The following PLCE1 variants were observed in gnomAD, a reference collection of about 807,000 sequenced individuals.
PLCE1 encodes phospholipase C epsilon 1, also known as 1-phosphatidylinositol 4,5-bisphosphate phosphodiesterase epsilon-1.
PLCE1 carries 119 observed loss-of-function variants against 242.8 expected under a neutral mutation model. The observed-to-expected ratio is 0.49, with a 90% CI of 0.42 to 0.57. PLCE1 has a LOEUF of 0.57. Among genes scored for constraint, PLCE1 ranks in the 20% least tolerant of loss-of-function variants. The probability of loss-of-function intolerance (pLI) is 0.00; values close to 1 mark genes in which losing one functional copy is unlikely to be tolerated. For missense variants in PLCE1, 2,441 were observed against 2,788.8 expected, an observed-to-expected ratio of 0.88 and a Z score of 2.81; for synonymous variants, 945 against 1,017.4, an observed-to-expected ratio of 0.93 and a Z score of 1.35.
chr10:94,320,591 C>A (rs548643527), intron 29 of PLCE1, among the ~76,000 whole-genome samples: 5 of 152,300 alleles, frequency 3.3e-5, no homozygotes, highest in Admixed American at 1.3e-4. Flanking sequence ...TTTCAGTAGC[C>A]TGGTCTGGAG....
At chr10:94,100,662 C>T (rs1423490204) in intron 2 of PLCE1, 11 of 152,292 alleles carry the variant, frequency 7.2e-5, no homozygotes, top group African/African-American at 2.4e-4. Context: ...AACTTCAGTT[C>T]TTGTCTTCTC....
At chr10:94,048,763 AGAGAGAGG>A (rs1211317774) in intron 2 of PLCE1, among the ~76,000 whole-genome samples, 1 of 149,160 alleles carries the variant, frequency 6.7e-6, no homozygotes, top group Non-Finnish European at 1.5e-5. Flanking sequence ...ATATAGAGAG[AGAGAGAGG>A]GAGAGAGAGG....
At chr10:94,197,982 CAAAAAAAAAAAA>C (rs3053181) in intron 4 of PLCE1, among the ~76,000 whole-genome samples, 4 of 58,354 alleles carry the variant, frequency 6.9e-5, no homozygotes, top group East Asian at 1.4e-3. Flanking sequence ...GACTCTGTCT[CAAAAAAAAAAAA>C]AAAAAAAAAA....
chr10:94,005,884 A>G (rs554657381), intron 1 of PLCE1, among the ~76,000 whole-genome samples: 1 of 152,306 alleles, frequency 6.6e-6, no homozygotes, highest in South Asian at 2.1e-4. Flanking sequence ...TGTGTGCCCT[A>G]TGAAGCCAAG....
intron 2 of PLCE1, among the ~76,000 whole-genome samples, chr10:94,067,114 A>G (rs1172573777): frequency 1.3e-5 from 2 of 151,794 alleles, no homozygotes; most frequent in African/African-American, 2.4e-5. Context: ...TTCCTCCCCA[A>G]CCCTCAGGTC....
At chr10:94,259,285 ATTT>A (rs369272321) in intron 13 of PLCE1, 135 bp downstream of exon 13, 433 of 727,558 alleles carry the variant, frequency 6.0e-4, no homozygotes, top group East Asian at 7.0e-4. Flanking sequence ...ACTTAAGAGA[ATTT>A]TTTTTTTTTT....
rs190412769 is a variant in PLCE1 at position 94,026,435 on chromosome 10, C to A, written c.-364-4248C>A. Among the ~76,000 whole-genome samples, 3 of 152,266 alleles carry A rather than the reference C, an allele frequency of 2.0e-5. No homozygotes were observed. In the East Asian group the frequency reaches 5.8e-4, roughly 29 times the overall value. On this transcript the variant is annotated intron_variant, in intron 1 of 32. Transcript: ENST00000371380. The stretch of plus-strand genomic sequence containing the variant: ...CCAATCTCCCCCATAAACCTGTTCA[C>A]ACTAAGAAAAGAAGAATCCCTTTTT...
rs1193228304 is a variant in PLCE1 at position 94,246,224 on chromosome 10, C to T, written c.2699C>T (p.Ser900Phe). ...ACCTGGGTAAAGCCCACAACTGCCTCCCCAGCCAGCAGTAAAGCAAAACTT... is the reference window on the plus strand; with the variant it reads ...ACCTGGGTAAAGCCCACAACTGCCTTCCCAGCCAGCAGTAAAGCAAAACTT... ...TLTWVKPTTA[S>F]PASSKAKLGV... Residue 900 changes from serine to phenylalanine, a missense_variant, in exon 8 of 33, where the codon TCC (serine) becomes TTC (phenylalanine). By Grantham distance (155) the Ser-to-Phe change is radical (BLOSUM62 -2). This residue lies in a region of PLCE1 where 733 missense variants were observed against 754.2 expected (regional missense o/e 0.97). Transcript: ENST00000371380. The T allele has an allele frequency of 2.5e-6, 4 of 1,614,046 alleles. No homozygotes were observed. The highest frequency in any genetic ancestry group is 2.2e-5 in the East Asian group (1 of 44,880).
At chr10:94,129,865 A>G (rs575185800) in intron 2 of PLCE1, among the ~76,000 whole-genome samples, 6 of 152,328 alleles carry the variant, frequency 3.9e-5, no homozygotes, top group Admixed American at 3.9e-4. Context: ...TTATCAGGCC[A>G]GCTGACCTTT....
chr10:94,016,166 G>T (rs966544569), intron 1 of PLCE1, among the ~76,000 whole-genome samples: 1 of 151,994 alleles, frequency 6.6e-6, no homozygotes, highest in Admixed American at 6.6e-5. Flanking sequence ...CTTTGGGAAA[G>T]GAATTGCTGC....
intron 2 of PLCE1, among the ~76,000 whole-genome samples, chr10:94,097,792 A>G (rs1031351851): frequency 6.6e-6 from 1 of 152,196 alleles, no homozygotes; most frequent in African/African-American, 2.4e-5. Context: ...TCGTCCAAGT[A>G]TGTGGTGCTG....
rs144963066 is a variant in PLCE1 at position 94,172,809 on chromosome 10, A to G, written c.1809+1313A>G. Reference sequence around the variant, plus strand: ...GTCATTATACTCCAGCCTGGGTGACAGAGTGAGACACCATCTTTAGAAAAA... The same window carrying G: ...GTCATTATACTCCAGCCTGGGTGACGGAGTGAGACACCATCTTTAGAAAAA... On this transcript the variant is annotated intron_variant, in intron 4 of 32. Transcript: ENST00000371380. 2.3e-3 allele frequency among the ~76,000 whole-genome samples: 347 copies of G among 152,330 alleles called. 3 individuals are homozygous for G. The highest frequency in any genetic ancestry group is 5.9e-3 in the Admixed American group (90 of 15,296).
At chr10:94,083,454 T>C (rs2044712875) in intron 2 of PLCE1, among the ~76,000 whole-genome samples, 1 of 151,984 alleles carries the variant, frequency 6.6e-6, no homozygotes, top group Non-Finnish European at 1.5e-5. Flanking sequence ...ACTGTTACCA[T>C]CTCCTTTTAC....
At chr10:94,223,340 C>T (rs548433601) in intron 4 of PLCE1, among the ~76,000 whole-genome samples, 1 of 151,836 alleles carries the variant, frequency 6.6e-6, no homozygotes, top group Admixed American at 6.6e-5. Flanking sequence ...CTTTACCTCC[C>T]TAAAAGGAGG....
rs80098906 is a variant in PLCE1 at position 94,007,699 on chromosome 10, CTTTTTTTTTTTT to C, written c.-365+13451_-365+13462del. Among the ~76,000 whole-genome samples the C allele has an allele frequency of 9.4e-5, 6 of 64,138 alleles. No homozygotes were observed. In the East Asian group the frequency reaches 1.7e-3, roughly 19 times the overall value. 42.1% of individuals were successfully genotyped at this position (64,138 alleles called of 152,430 possible). On this transcript the variant is annotated intron_variant, in intron 1 of 32. Transcript: ENST00000371380. ...GTTAGTCCCCATCAAAGCCTACTTT[CTTTTTTTTTTTT>C]TTTTTTTTTGGAGTTATTTGGTCTG...
chr10:94,205,090 C>T (rs181455794), intron 4 of PLCE1, among the ~76,000 whole-genome samples: 22 of 152,206 alleles, frequency 1.4e-4, no homozygotes, highest in Admixed American at 1.3e-3. Context: ...ATATCAATTG[C>T]CTTAGCCAAG....
intron 3 of PLCE1, among the ~76,000 whole-genome samples, chr10:94,149,567 G>C (rs971122139): frequency 6.6e-6 from 1 of 152,074 alleles, no homozygotes; most frequent in Non-Finnish European, 1.5e-5. Context: ...TGAGACTTTG[G>C]GTCAGAAACT....
intron 3 of PLCE1, among the ~76,000 whole-genome samples, chr10:94,168,077 G>T (rs1431262001): frequency 6.6e-6 from 1 of 152,134 alleles, no homozygotes; most frequent in Non-Finnish European, 1.5e-5. Context: ...AAAGAGAAGA[G>T]CCACAGTGTC....
intron 22 of PLCE1, among the ~76,000 whole-genome samples, chr10:94,285,236 G>A (rs1462334540): frequency 6.6e-6 from 1 of 151,972 alleles, no homozygotes; most frequent in African/African-American, 2.4e-5. Context: ...ATTTCTAATT[G>A]CTAAATGTAT....
Sources: gnomAD v4.1 joint callset for allele counts (sites outside exome capture counted in the v4.1 genomes callset) on GRCh38, gnomAD v4.1.1 for gene constraint, gnomAD v4.1.1 regional missense constraint, MANE v1.5 for transcripts, NCBI Gene and HGNC (gene_info 2026-07-23, HGNC 2026-07-21) for gene names.